The following PCDHA8 variants were observed in gnomAD, a reference collection of about 807,000 sequenced individuals.
PCDHA8 encodes protocadherin alpha-8.
A neutral mutation model predicts 61.8 loss-of-function variants in PCDHA8; 53 were observed. The observed-to-expected ratio is 0.86, with a 90% confidence interval of 0.69 to 1.08. PCDHA8 has a LOEUF of 1.08. PCDHA8 is among the 50% of genes least tolerant of loss of function. The pLI, the probability that PCDHA8 is intolerant of heterozygous loss-of-function variation, is 0.00. For synonymous variants in PCDHA8, 618 were observed against 556.6 expected, an observed-to-expected ratio of 1.11 and a Z score of -1.55; for missense variants, 1,293 against 1,245.0, an observed-to-expected ratio of 1.04 and a Z score of -0.58.
intron 1 of PCDHA8, chr5:140,882,695 G>T: frequency 6.2e-7 from 1 of 1,614,192 alleles, no homozygotes; most frequent in Non-Finnish European, 8.5e-7. Flanking sequence ...AATAATCATT[G>T]CAGAATCTAG....
intron 1 of PCDHA8, chr5:140,928,604 C>T: frequency 6.2e-7 from 1 of 1,614,198 alleles, no homozygotes; most frequent in Non-Finnish European, 8.5e-7. Context: ...GAAATTGTGC[C>T]CCGCTCTGCC....
chr5:140,903,823 G>A (rs1303323584), intron 1 of PCDHA8, among the ~76,000 whole-genome samples: 1 of 152,048 alleles, frequency 6.6e-6, no homozygotes, highest in Non-Finnish European at 1.5e-5. Flanking sequence ...TCACATGAAT[G>A]TCTGTTGGTA....
intron 3 of PCDHA8, among the ~76,000 whole-genome samples, chr5:140,998,767 T>C (rs367972918): frequency 5.3e-5 from 8 of 152,312 alleles, no homozygotes; most frequent in African/African-American, 1.9e-4. Flanking sequence ...TTTCACTATG[T>C]TGGTCAGGCT....
chr5:140,885,310 G>T (rs1554182115), intron 1 of PCDHA8, among the ~76,000 whole-genome samples: 1 of 152,038 alleles, frequency 6.6e-6, no homozygotes. Context: ...TAGGCTTTTT[G>T]TTATTATTTC....
At chr5:140,877,766 C>T in intron 1 of PCDHA8, 2 of 1,614,186 alleles carry the variant, frequency 1.2e-6, no homozygotes, top group South Asian at 2.2e-5. Flanking sequence ...GAGAGCCCGC[C>T]CAAGACGGAC....
intron 1 of PCDHA8, among the ~76,000 whole-genome samples, chr5:140,960,274 C>A (rs1291069063): frequency 6.6e-6 from 1 of 152,130 alleles, no homozygotes. Context: ...ATTCCGTCAC[C>A]TTTTTGGGAC....
intron 1 of PCDHA8, chr5:140,870,864 C>A (rs782241816): frequency 5.6e-6 from 9 of 1,613,934 alleles, no homozygotes; most frequent in Non-Finnish European, 7.6e-6. Context: ...TGGGTGCGGG[C>A]CACGTGGTGG....
intron 1 of PCDHA8, among the ~76,000 whole-genome samples, chr5:140,963,002 A>G (rs921334790): frequency 7.2e-5 from 11 of 152,242 alleles, no homozygotes; most frequent in African/African-American, 2.2e-4. Flanking sequence ...TACTAAAAAT[A>G]AGATCTGAAG....
intron 1 of PCDHA8, among the ~76,000 whole-genome samples, chr5:140,844,789 C>A (rs2150373812): frequency 6.7e-6 from 1 of 149,202 alleles, no homozygotes; most frequent in African/African-American, 2.4e-5. Flanking sequence ...TGGTATCTTT[C>A]AACATTTTCT....
At chr5:140,940,776 T>A (rs2092683795) in intron 1 of PCDHA8, among the ~76,000 whole-genome samples, 1 of 152,222 alleles carries the variant, frequency 6.6e-6, no homozygotes, top group African/African-American at 2.4e-5. Flanking sequence ...CTTTTGATGG[T>A]CCATATCCTG....
intron 3 of PCDHA8, among the ~76,000 whole-genome samples, chr5:140,993,470 ACAC>A: frequency 8.7e-6 from 1 of 115,268 alleles, no homozygotes; most frequent in South Asian, 2.9e-4. Context: ...TCTCACACAC[ACAC>A]ACACACACAC....
At chr5:140,857,791 G>T in intron 1 of PCDHA8, 1 of 1,597,714 alleles carries the variant, frequency 6.3e-7, no homozygotes, top group Non-Finnish European at 8.6e-7. Context: ...AGCTGGTGCT[G>T]CGGTCGGTGG....
At chr5:140,914,542 T>C (rs1323797101) in intron 1 of PCDHA8, among the ~76,000 whole-genome samples, 2 of 152,202 alleles carry the variant, frequency 1.3e-5, no homozygotes, top group Non-Finnish European at 2.9e-5. Context: ...ACTTTATTTC[T>C]TTTTATTGGA....
intron 1 of PCDHA8, chr5:140,876,661 C>T: frequency 1.2e-6 from 2 of 1,614,212 alleles, no homozygotes; most frequent in Non-Finnish European, 1.7e-6. Context: ...TCCCTTCAAG[C>T]TGGTGTCCAC....
Position 140,848,316 on chromosome 5 carries a change from G to T in PCDHA8, c.2394+4601G>T, listed in dbSNP as rs2150408504. 15 of 742,766 alleles carry T rather than the reference G, an allele frequency of 2.0e-5. 1 individual carries two copies. The highest frequency in any genetic ancestry group is 7.0e-5 in the African/African-American group (4 of 57,284). 46.0% of individuals were successfully genotyped at this position (742,766 alleles called of 1,614,324 possible). A position where few individuals can be genotyped will look rare whatever the true frequency, so the allele number is the denominator to read the frequency against. ...GCCACGTGATGTCACTCTTTGCCGC[G>T]ATGTTCTCTCTGAATCCAGACAAAT... On this transcript the variant is annotated intron_variant, in intron 1 of 3. Transcript: ENST00000531613.
chr5:140,895,166 C>T (rs1319581978), intron 1 of PCDHA8, among the ~76,000 whole-genome samples: 1 of 152,138 alleles, frequency 6.6e-6, no homozygotes, highest in Non-Finnish European at 1.5e-5. Context: ...ACAATCCAAT[C>T]TATTTGTAGT....
intron 1 of PCDHA8, 102 bp from the exon 2 acceptor site, chr5:140,978,847 G>GA: frequency 6.4e-7 from 1 of 1,570,216 alleles, no homozygotes; most frequent in Non-Finnish European, 8.6e-7. Context: ...TACTTTTTTA[G>GA]ATGCCTGGAA....
At chr5:140,867,449 G>A (rs1423382267) in intron 1 of PCDHA8, 3 of 152,036 alleles carry the variant, frequency 2.0e-5, no homozygotes, top group African/African-American at 7.2e-5. Context: ...CTGAATTAGA[G>A]TTCTAGTGTT....
At chr5:140,886,436 T>A (rs1434592910) in intron 1 of PCDHA8, among the ~76,000 whole-genome samples, 2 of 152,158 alleles carry the variant, frequency 1.3e-5, no homozygotes, top group African/African-American at 4.8e-5. Context: ...TATTCATTTG[T>A]TTGTACTAAT....
Sources: gnomAD v4.1 joint callset for allele counts (sites outside exome capture counted in the v4.1 genomes callset) on GRCh38, gnomAD v4.1.1 for gene constraint, MANE v1.5 for transcripts, NCBI Gene and HGNC (gene_info 2026-07-23, HGNC 2026-07-21) for gene names.